The following GABRB1 variants were observed in gnomAD, a reference collection of about 807,000 sequenced individuals.
GABRB1 encodes the protein gamma-aminobutyric acid type A receptor subunit beta1, also known as gamma-aminobutyric acid receptor subunit beta-1.
Under a neutral mutation model 51.6 loss-of-function variants are expected in GABRB1, and 17 were observed. The ratio of observed to expected loss-of-function variants is 0.33; its 90% CI spans 0.23 to 0.49. The LOEUF (loss-of-function observed/expected upper bound fraction) is 0.49, where lower values mean the gene tolerates loss of function less well. GABRB1 is among the 20% of genes least tolerant of loss of function. The probability of loss-of-function intolerance (pLI) is 0.99; values close to 1 mark genes in which losing one functional copy is unlikely to be tolerated. For synonymous variants in GABRB1, 247 were observed against 218.9 expected, an observed-to-expected ratio of 1.13 and a Z score of -1.14; for missense variants, 410 against 600.6, an observed-to-expected ratio of 0.68 and a Z score of 3.32.
At chr4:47,264,568 C>A (rs1364879234) in intron 4 of GABRB1, among the ~76,000 whole-genome samples, 1 of 152,236 alleles carries the variant, frequency 6.6e-6, no homozygotes, top group Admixed American at 6.5e-5. Context: ...TAGCATATAA[C>A]TCAAAGGTCA....
chr4:47,268,768 T>C (rs1300046252), intron 4 of GABRB1, among the ~76,000 whole-genome samples: 1 of 152,212 alleles, frequency 6.6e-6, no homozygotes, highest in East Asian at 1.9e-4. Flanking sequence ...TACTATCAGC[T>C]AGCTGAAGTA....
chr4:47,045,650 G>A (rs1296930996), intron 3 of GABRB1, among the ~76,000 whole-genome samples: 3 of 151,916 alleles, frequency 2.0e-5, no homozygotes, highest in African/African-American at 4.8e-5. Flanking sequence ...GCCTTCACAT[G>A]GTGTGCTTAC....
chr4:47,160,863 T>G (rs373469186), intron 3 of GABRB1, among the ~76,000 whole-genome samples: 1 of 152,048 alleles, frequency 6.6e-6, no homozygotes, highest in East Asian at 1.9e-4. Flanking sequence ...CCTGGCTTAC[T>G]GCAGCCTCAG....
intron 4 of GABRB1, among the ~76,000 whole-genome samples, chr4:47,238,415 A>G (rs766473979): frequency 6.6e-6 from 1 of 152,146 alleles, no homozygotes; most frequent in Non-Finnish European, 1.5e-5. Flanking sequence ...GCTCTTTTAA[A>G]TCACTTCAGA....
chr4:47,283,271 G>A (rs1299652084), intron 4 of GABRB1, among the ~76,000 whole-genome samples: 2 of 149,656 alleles, frequency 1.3e-5, no homozygotes, highest in African/African-American at 2.5e-5. Context: ...ACTAAGTTTG[G>A]GTATAAAAGC....
rs551402262 is a variant in GABRB1 at position 47,080,922 on chromosome 4, T to C, written c.240+48438T>C. 2.9e-4 allele frequency among the ~76,000 whole-genome samples: 44 copies of C among 152,284 alleles called. No homozygotes were observed. In the South Asian group the frequency reaches 3.5e-3, roughly 12 times the overall value. The stretch of plus-strand genomic sequence containing the variant: ...TTTATGTCTTTTTGGATAAAACTGG[T>C]CTAGCTATACTTAACAATATTGTGA... On this transcript the variant is annotated intron_variant, in intron 3 of 8. Coordinates refer to ENST00000295454, the MANE Select transcript of GABRB1 (RefSeq NM_000812.4).
chr4:47,032,667 C>A (rs900977683), intron 3 of GABRB1, 183 bp downstream of exon 3: 3 of 719,196 alleles, frequency 4.2e-6, no homozygotes, highest in Non-Finnish European at 7.7e-6. Context: ...TCGACACACA[C>A]GGGCTACTGC....
At chr4:47,355,229 G>T (rs547159870) in intron 5 of GABRB1, among the ~76,000 whole-genome samples, 1 of 151,996 alleles carries the variant, frequency 6.6e-6, no homozygotes, top group Non-Finnish European at 1.5e-5. Flanking sequence ...TGATTTGCCT[G>T]CCTTGGCTTC....
chr4:47,314,485 C>T (rs1409089133), intron 4 of GABRB1, among the ~76,000 whole-genome samples: 3 of 151,894 alleles, frequency 2.0e-5, no homozygotes, highest in Non-Finnish European at 4.4e-5. Context: ...GTTAACTAAC[C>T]AGATGACATT....
intron 4 of GABRB1, among the ~76,000 whole-genome samples, chr4:47,181,856 AC>A (rs904800970): frequency 3.9e-5 from 6 of 152,014 alleles, no homozygotes; most frequent in Admixed American, 1.3e-4. Flanking sequence ...GGTTGTAATC[AC>A]CTCATAATGC....
intron 1 of GABRB1, among the ~76,000 whole-genome samples, chr4:47,007,349 C>G (rs1026400750): frequency 2.2e-4 from 33 of 152,058 alleles, no homozygotes; most frequent in African/African-American, 7.5e-4. Flanking sequence ...TTTATCTGAA[C>G]CTCAATTAAT....
At chr4:47,134,027 T>G (rs1029178758) in intron 3 of GABRB1, among the ~76,000 whole-genome samples, 4 of 152,210 alleles carry the variant, frequency 2.6e-5, no homozygotes, top group Admixed American at 1.3e-4. Flanking sequence ...TTAAGAACTT[T>G]CAGTCAGTAT....
At chr4:47,389,383 C>T (rs766505368) in intron 5 of GABRB1, among the ~76,000 whole-genome samples, 1 of 152,100 alleles carries the variant, frequency 6.6e-6, no homozygotes, top group African/African-American at 2.4e-5. Flanking sequence ...CATTTGCAAG[C>T]GGGCTGCCAG....
chr4:47,098,447 G>GT (rs111554001), intron 3 of GABRB1, among the ~76,000 whole-genome samples: 8 of 151,646 alleles, frequency 5.3e-5, no homozygotes, highest in Admixed American at 2.0e-4. Context: ...ATTTGGAACT[G>GT]TTTTTTTTCC....
intron 5 of GABRB1, among the ~76,000 whole-genome samples, chr4:47,377,923 A>G (rs1727446994): frequency 6.6e-6 from 1 of 152,168 alleles, no homozygotes; most frequent in Non-Finnish European, 1.5e-5. Flanking sequence ...ACAATCCCTG[A>G]GCTAGACATA....
At chr4:47,021,105 A>G (rs1724917842) in intron 1 of GABRB1, among the ~76,000 whole-genome samples, 1 of 151,968 alleles carries the variant, frequency 6.6e-6, no homozygotes, top group Non-Finnish European at 1.5e-5. Context: ...TTCAACAAAC[A>G]AAACCCTCCA....
rs186290812 is a variant in GABRB1 at position 47,057,162 on chromosome 4, G to C, written c.240+24678G>C. Among the ~76,000 whole-genome samples the C allele has an allele frequency of 1.1e-4, 16 of 152,178 alleles. No individual in the cohort carries two copies. The East Asian group carries it at 2.1e-3, about 20-fold the overall frequency. ...GGCATGGTCTCAAATGCAGTTCTCT[G>C]GTCTACATTTACATTTACCACTCAC... is the stretch of plus-strand genomic sequence containing the variant. On this transcript the variant is annotated intron_variant, in intron 3 of 8. Coordinates refer to ENST00000295454, the MANE Select transcript of GABRB1 (RefSeq NM_000812.4).
At chr4:47,208,989 A>C (rs1005358340) in intron 4 of GABRB1, among the ~76,000 whole-genome samples, 4 of 152,140 alleles carry the variant, frequency 2.6e-5, no homozygotes, top group Admixed American at 2.0e-4. Context: ...TGGTACTATC[A>C]GTGTTAAAAG....
chr4:47,348,398 C>G (rs894529349), intron 5 of GABRB1, among the ~76,000 whole-genome samples: 3 of 152,136 alleles, frequency 2.0e-5, no homozygotes, highest in Admixed American at 2.0e-4. Context: ...ATAGTGACAC[C>G]TTTGCTTTCT....
Sources: allele counts gnomAD v4.1 joint callset (sites outside exome capture counted in the v4.1 genomes callset), GRCh38; gene constraint gnomAD v4.1.1; transcripts MANE v1.5; gene names NCBI Gene and HGNC (gene_info 2026-07-23, HGNC 2026-07-21).